Variants in GRM3 observed in about 807,000 individuals in gnomAD.
The protein encoded by GRM3 is glutamate metabotropic receptor 3.
GRM3 carries 26 observed loss-of-function variants against 70.5 expected under a neutral mutation model. The observed-to-expected ratio is 0.37, with a 90% confidence interval of 0.27 to 0.51. The LOEUF (loss-of-function observed/expected upper bound fraction) is 0.51, where lower values mean the gene tolerates loss of function less well. Among genes scored for constraint, GRM3 ranks in the 20% least tolerant of loss-of-function variants. The pLI is 0.93. For missense variants in GRM3, 859 were observed against 1,123.8 expected (o/e 0.76, Z 3.37); for synonymous variants, 443 against 434.9 (o/e 1.02, Z -0.23).
In GRM3 at chr7:86,863,668, C is replaced by T. The variant is rs142810586; in HGVS notation, c.2567-614C>T. On this transcript the variant is annotated intron_variant, in intron 5 of 5. Coordinates refer to ENST00000361669, the MANE Select transcript of GRM3 (RefSeq NM_000840.3). Reference sequence around the variant, plus strand: ...GGCAGTGGAGTTCACAGATGACTCACGGACTATATAAGGCTCATCCCTGTA... The same window carrying T: ...GGCAGTGGAGTTCACAGATGACTCATGGACTATATAAGGCTCATCCCTGTA... 8.1e-4 allele frequency among the ~76,000 whole-genome samples: 124 copies of T among 152,232 alleles called. 1 individual carries two copies. Among genetic ancestry groups the T allele is most frequent in the African/African-American group, 2.6e-3 (110 of 41,552 alleles).
chr7:86,729,748 T>G (rs1293566236), intron 1 of GRM3, among the ~76,000 whole-genome samples: 2 of 152,226 alleles, frequency 1.3e-5, no homozygotes, highest in Non-Finnish European at 2.9e-5. Context: ...TTTCTCACAT[T>G]GCTTTGATCA....
At chr7:86,853,025 C>G (rs1464345367) in intron 5 of GRM3, among the ~76,000 whole-genome samples, 1 of 152,056 alleles carries the variant, frequency 6.6e-6, no homozygotes, top group Non-Finnish European at 1.5e-5. Flanking sequence ...ACCTACTACA[C>G]ACCAAAAATT....
At chr7:86,775,045 AG>A (rs1796851376) in intron 2 of GRM3, 1 of 152,128 alleles carries the variant, frequency 6.6e-6, no homozygotes, top group African/African-American at 2.4e-5. Context: ...TAAATTAAAA[AG>A]TAAAGGAAAG....
At chr7:86,647,547 T>A (rs1235791210) in intron 1 of GRM3, among the ~76,000 whole-genome samples, 2 of 152,164 alleles carry the variant, frequency 1.3e-5, no homozygotes, top group African/African-American at 4.8e-5. Context: ...CAGGAGTAAT[T>A]CTCAAAAAAA....
intron 5 of GRM3, among the ~76,000 whole-genome samples, chr7:86,857,341 C>G (rs1438413260): frequency 6.6e-6 from 1 of 151,968 alleles, no homozygotes; most frequent in African/African-American, 2.4e-5. Flanking sequence ...GCGAGGAGAA[C>G]AGAGAGGCAT....
chr7:86,777,966 A>G (rs1796937158), intron 2 of GRM3, among the ~76,000 whole-genome samples: 2 of 152,220 alleles, frequency 1.3e-5, no homozygotes, highest in Admixed American at 1.3e-4. Context: ...CAGATGGTTC[A>G]AAGTGCAGCA....
At chr7:86,672,514 A>G (rs376726135) in intron 1 of GRM3, among the ~76,000 whole-genome samples, 5 of 152,162 alleles carry the variant, frequency 3.3e-5, no homozygotes, top group East Asian at 3.9e-4. Flanking sequence ...AAGGGCATCT[A>G]TAGTTTTCTA....
intron 3 of GRM3, among the ~76,000 whole-genome samples, chr7:86,820,783 A>G (rs191875692): frequency 4.1e-4 from 62 of 151,874 alleles, no homozygotes; most frequent in African/African-American, 1.3e-3. Flanking sequence ...CCCTGAGAGG[A>G]AAAAAAACAG....
At chr7:86,758,821 G>A (rs1796410825) in intron 1 of GRM3, among the ~76,000 whole-genome samples, 1 of 152,228 alleles carries the variant, frequency 6.6e-6, no homozygotes, top group East Asian at 1.9e-4. Context: ...AGGTCGAATA[G>A]TGAAGTCGGC....
chr7:86,778,170 CAATGGTTTATTTTTTA>C (rs1298376576), intron 2 of GRM3, among the ~76,000 whole-genome samples: 1 of 152,106 alleles, frequency 6.6e-6, no homozygotes, highest in Non-Finnish European at 1.5e-5. Flanking sequence ...AGGGCAGTAG[CAATGGTTTATTTTTTA>C]AATGTATATA....
At position 86,733,132 on chromosome 7, in the gene GRM3, G is replaced by T. The variant is rs1326582793; in HGVS notation, c.-140-31874G>T. On this transcript the variant is annotated intron_variant, in intron 1 of 5. Transcript: ENST00000361669. ...GATCGAGACCATCCTGGCTAACATG[G>T]TGAAACCCCATCTCTACTAAAAATA... Among the ~76,000 whole-genome samples, 5 of 152,058 alleles carry T rather than the reference G, an allele frequency of 3.3e-5. No individual in the cohort carries two copies. In the East Asian group the frequency reaches 9.7e-4, roughly 29 times the overall value.
At position 86,648,134 on chromosome 7, in the gene GRM3, GTCCAGACA is replaced by G. The variant is rs532435368; in HGVS notation, c.-141+3265_-141+3272del. ...GAGAATACAAAGATGGCAATTCTATGTCCAGACATCTTTGCTAAATGTTTAAGACATTT... is the reference window on the plus strand; with the variant it reads ...GAGAATACAAAGATGGCAATTCTATGTCTTTGCTAAATGTTTAAGACATTT... On this transcript the variant is annotated intron_variant, in intron 1 of 5. Transcript: ENST00000361669. 2.1e-3 allele frequency among the ~76,000 whole-genome samples: 316 copies of G among 152,274 alleles called. 3 individuals carry two copies. The highest frequency in any genetic ancestry group is 0.013 in the South Asian group (64 of 4,822).
At chr7:86,716,880 T>C (rs560255436) in intron 1 of GRM3, among the ~76,000 whole-genome samples, 1 of 151,866 alleles carries the variant, frequency 6.6e-6, no homozygotes, top group Non-Finnish European at 1.5e-5. Flanking sequence ...TCAATGACTA[T>C]TTCAGATTTA....
chr7:86,667,871 A>G (rs918443365), intron 1 of GRM3, among the ~76,000 whole-genome samples: 3 of 152,018 alleles, frequency 2.0e-5, no homozygotes, highest in African/African-American at 7.2e-5. Flanking sequence ...TACCTACCAA[A>G]CCTTCTAGTC....
At chr7:86,682,185 A>T (rs1794457739) in intron 1 of GRM3, among the ~76,000 whole-genome samples, 1 of 152,228 alleles carries the variant, frequency 6.6e-6, no homozygotes, top group Non-Finnish European at 1.5e-5. Flanking sequence ...AGTTTTTCAC[A>T]GTACAACTTA....
intron 1 of GRM3, among the ~76,000 whole-genome samples, chr7:86,670,536 C>G (rs1397389660): frequency 6.6e-6 from 1 of 152,208 alleles, no homozygotes; most frequent in Non-Finnish European, 1.5e-5. Context: ...GGTTCCATTT[C>G]CAAATGGCAT....
chr7:86,793,753 C>T (rs1797481476), intron 3 of GRM3, among the ~76,000 whole-genome samples: 1 of 152,116 alleles, frequency 6.6e-6, no homozygotes, highest in South Asian at 2.1e-4. Context: ...CCTAATTTTC[C>T]ACTTAGGCTT....
intron 1 of GRM3, among the ~76,000 whole-genome samples, chr7:86,709,566 G>C (rs558199200): frequency 1.3e-5 from 2 of 151,692 alleles, no homozygotes; most frequent in South Asian, 2.1e-4. Context: ...TGGTACCTTC[G>C]GGGGGGTGGG....
chr7:86,804,125 A>G (rs1797738975), intron 3 of GRM3, among the ~76,000 whole-genome samples: 2 of 152,160 alleles, frequency 1.3e-5, no homozygotes, highest in Admixed American at 1.3e-4. Context: ...TTGCAATGTT[A>G]TAGGCAGTAA....
Sources: gnomAD v4.1 joint callset for allele counts (sites outside exome capture counted in the v4.1 genomes callset) on GRCh38, gnomAD v4.1.1 for gene constraint, MANE v1.5 for transcripts, NCBI Gene and HGNC (gene_info 2026-07-23, HGNC 2026-07-21) for gene names.